CCDC3: variants seen among roughly 807,000 people sequenced by gnomAD.
The protein encoded by CCDC3 is coiled-coil domain containing 3, also known as coiled-coil domain-containing protein 3.
A neutral mutation model predicts 21.4 loss-of-function variants in CCDC3; 24 were observed. The observed-to-expected ratio is 1.12, with a 90% CI of 0.81 to 1.58. The LOEUF (loss-of-function observed/expected upper bound fraction) is 1.58. Ranked by LOEUF, CCDC3 falls within the 40% of genes most tolerant of loss-of-function variation. CCDC3 has a pLI of 0.00. For synonymous variants in CCDC3, 186 were observed against 166.0 expected (o/e 1.12, Z -0.93); for missense variants, 425 against 360.9 (o/e 1.18, Z -1.44).
At chr10:13,093,476 C>A (rs1423782131) in intron 3 of CCDC3, among the ~76,000 whole-genome samples, 2 of 152,090 alleles carry the variant, frequency 1.3e-5, no homozygotes, top group African/African-American at 4.8e-5. Flanking sequence ...ATATCACCAG[C>A]CAAGTATTAA....
intron 2 of CCDC3, among the ~76,000 whole-genome samples, chr10:12,983,930 G>C (rs1835545885): frequency 6.6e-6 from 1 of 151,958 alleles, no homozygotes; most frequent in Non-Finnish European, 1.5e-5. Flanking sequence ...AAATACAAAA[G>C]TTAGCTGGGC....
At chr10:13,067,206 T>G (rs566642727) in intron 4 of CCDC3, among the ~76,000 whole-genome samples, 2 of 152,278 alleles carry the variant, frequency 1.3e-5, no homozygotes, top group Non-Finnish European at 2.9e-5. Context: ...CCAGCCAGGG[T>G]TGGGGTGCAT....
chr10:13,086,372 T>C (rs1411516706), intron 3 of CCDC3, among the ~76,000 whole-genome samples: 1 of 152,244 alleles, frequency 6.6e-6, no homozygotes, highest in African/African-American at 2.4e-5. Flanking sequence ...ATTGAGTAAA[T>C]ATTCACATCA....
At chr10:12,933,072 G>A (rs898712143) in intron 2 of CCDC3, among the ~76,000 whole-genome samples, 3 of 152,118 alleles carry the variant, frequency 2.0e-5, no homozygotes, top group African/African-American at 7.2e-5. Flanking sequence ...ACAGCATCAT[G>A]TTGATTTTTT....
intron 2 of CCDC3, among the ~76,000 whole-genome samples, chr10:12,942,429 G>C (rs1246129857): frequency 6.6e-6 from 1 of 152,148 alleles, no homozygotes; most frequent in African/African-American, 2.4e-5. Context: ...TCTTTTCTAA[G>C]AAAGAACAGT....
At chr10:12,988,993 C>A (rs921451836) in intron 2 of CCDC3, among the ~76,000 whole-genome samples, 13 of 152,188 alleles carry the variant, frequency 8.5e-5, no homozygotes, top group African/African-American at 2.7e-4. Flanking sequence ...TTATAAATAG[C>A]TCAAAAGCTT....
chr10:12,940,762 GC>G (rs1359578912), intron 2 of CCDC3, among the ~76,000 whole-genome samples: 1 of 152,184 alleles, frequency 6.6e-6, no homozygotes, highest in Non-Finnish European at 1.5e-5. Flanking sequence ...GTGAGAAAGA[GC>G]CTATAGCCTA....
chr10:12,898,456 T>C lies in CCDC3; in HGVS notation c.773A>G (p.Asn258Ser). ...KLAAGALPHI[N>S]ARGPVRPPYL... is the part of the protein sequence containing the mutation. ...GGGGGGGCGCACGGGCCCCCGGGCA[T>C]TGATGTGCGGCAGCGCGCCCGCCGC... Residue 258 changes from asparagine (N) to serine (S), a missense_variant, in exon 3 of 3, where the codon AAT (asparagine) becomes AGT (serine). By Grantham distance (46) the Asn-to-Ser change is conservative. Transcript: ENST00000378825. 6.2e-7 allele frequency: 1 copy of C among 1,610,740 alleles called. No homozygotes were observed. The highest frequency in any genetic ancestry group is 8.5e-7 in the Non-Finnish European group (1 of 1,178,096).
At chr10:13,053,408 A>G (rs1836638217) in intron 4 of CCDC3, among the ~76,000 whole-genome samples, 1 of 151,948 alleles carries the variant, frequency 6.6e-6, no homozygotes, top group Non-Finnish European at 1.5e-5. Context: ...ATCTCCATGA[A>G]AAAATTTAAA....
At chr10:13,002,095 A>G (rs1204533104), upstream of CCDC3, among the ~76,000 whole-genome samples, 1 of 152,208 alleles carries the variant, frequency 6.6e-6, no homozygotes, top group African/African-American at 2.4e-5. Context: ...ATCTGACTTT[A>G]TATTCCCAGA....
At chr10:13,014,056 C>T (rs1331973616) in intron 5 of CCDC3, among the ~76,000 whole-genome samples, 1 of 151,978 alleles carries the variant, frequency 6.6e-6, no homozygotes, top group Non-Finnish European at 1.5e-5. Context: ...GATGCTGAGG[C>T]AGGAGACTCA....
In CCDC3 at chr10:13,001,693, C is replaced by T. The variant is rs1835858882; in HGVS notation, c.-123G>A. 1 of 614,634 alleles carries T rather than the reference C, an allele frequency of 1.6e-6. No homozygotes were observed. The highest frequency in any genetic ancestry group is 2.1e-6 in the Non-Finnish European group (1 of 483,330). 38.1% of individuals were successfully genotyped at this position (614,634 alleles called of 1,614,324 possible). Reference sequence around the variant, plus strand: ...TCCCGGGAGCTGAGCGCACCGCTGTCTCCGCCACGGGGCTCGGCATGCCCG... The same window carrying T: ...TCCCGGGAGCTGAGCGCACCGCTGTTTCCGCCACGGGGCTCGGCATGCCCG... On this transcript the variant is annotated 5_prime_UTR_variant, in exon 1 of 3. Coordinates refer to ENST00000378825, the MANE Select transcript of CCDC3 (RefSeq NM_031455.4).
chr10:13,007,757 T>C, intron 5 of CCDC3, among the ~76,000 whole-genome samples: 1 of 152,294 alleles, frequency 6.6e-6, no homozygotes, highest in Non-Finnish European at 1.5e-5. Flanking sequence ...TAGTGGAAAA[T>C]ATTTTAGTTA....
At chr10:13,019,395 G>A (rs1276476012) in intron 5 of CCDC3, among the ~76,000 whole-genome samples, 1 of 152,138 alleles carries the variant, frequency 6.6e-6, no homozygotes, top group South Asian at 2.1e-4. Flanking sequence ...AAGTCCAACT[G>A]GTTCATTCAT....
At chr10:12,979,388 C>T (rs1291396179) in intron 2 of CCDC3, among the ~76,000 whole-genome samples, 1 of 151,734 alleles carries the variant, frequency 6.6e-6, no homozygotes, top group Admixed American at 6.6e-5. Flanking sequence ...CTCCCCAAAC[C>T]CTCTGTCTTT....
chr10:12,910,611 A>AATTTTT (rs1554753179), intron 2 of CCDC3, among the ~76,000 whole-genome samples: 2 of 105,174 alleles, frequency 1.9e-5, no homozygotes, highest in African/African-American at 3.7e-5. Flanking sequence ...AAAAAAAAAA[A>AATTTTT]TTTTTTTTTT....
chr10:13,077,838 C>T (rs1199370520), intron 3 of CCDC3, among the ~76,000 whole-genome samples: 1 of 152,230 alleles, frequency 6.6e-6, no homozygotes, highest in Non-Finnish European at 1.5e-5. Context: ...CCCTTCCTTA[C>T]ACCTTGTACA....
At chr10:12,956,248 T>C (rs1469725199) in intron 2 of CCDC3, among the ~76,000 whole-genome samples, 1 of 152,200 alleles carries the variant, frequency 6.6e-6, no homozygotes, top group Non-Finnish European at 1.5e-5. Flanking sequence ...TATCCCATCA[T>C]TCTATGTCTT....
chr10:12,945,766 T>C (rs1834907037), intron 2 of CCDC3, among the ~76,000 whole-genome samples: 1 of 152,170 alleles, frequency 6.6e-6, no homozygotes, highest in African/African-American at 2.4e-5. Flanking sequence ...ATTAAGAAAA[T>C]GGAATCATTT....
Sources: allele counts gnomAD v4.1 joint callset (sites outside exome capture counted in the v4.1 genomes callset), GRCh38; gene constraint gnomAD v4.1.1; transcripts MANE v1.5; gene names NCBI Gene and HGNC (gene_info 2026-07-23, HGNC 2026-07-21).